RBM20: variants seen among roughly 807,000 people sequenced by gnomAD.
RBM20 encodes the protein RNA-binding protein 20.
In RBM20, 51 loss-of-function variants were observed where a neutral mutation model predicts 110.1. That is an observed-to-expected ratio of 0.46 (90% CI 0.37 to 0.59). The LOEUF (loss-of-function observed/expected upper bound fraction) is 0.59. Among genes scored for constraint, RBM20 ranks in the 20% least tolerant of loss-of-function variants. The pLI is 0.00. For synonymous variants in RBM20, 589 were observed against 618.2 expected (o/e 0.95, Z 0.70); for missense variants, 1,512 against 1,574.9 (o/e 0.96, Z 0.68).
At chr10:110,743,617 ATAT>A (rs893319873) in intron 1 of RBM20, among the ~76,000 whole-genome samples, 5 of 151,778 alleles carry the variant, frequency 3.3e-5, no homozygotes, top group South Asian at 2.1e-4. Context: ...TTGTTCTTTT[ATAT>A]TATTATTATT....
At chr10:110,741,802 C>A (rs534863189) in intron 1 of RBM20, among the ~76,000 whole-genome samples, 7 of 151,988 alleles carry the variant, frequency 4.6e-5, no homozygotes, top group Admixed American at 4.6e-4. Context: ...CCTCCAGGAC[C>A]AGAGTACATG....
intron 7 of RBM20, 133 bp downstream of exon 7, chr10:110,800,051 A>G (rs891603686): frequency 1.1e-5 from 9 of 845,974 alleles, no homozygotes; most frequent in Non-Finnish European, 1.6e-5. Context: ...ACTGCCTTTG[A>G]GGATCTCGAG....
intron 9 of RBM20, among the ~76,000 whole-genome samples, chr10:110,818,621 T>C (rs562078313): frequency 1.3e-5 from 2 of 152,370 alleles, no homozygotes; most frequent in East Asian, 3.9e-4. Context: ...TTCCTTTGCC[T>C]GCAGGGTGGA....
chr10:110,763,033 A>G (rs570641013), intron 1 of RBM20, among the ~76,000 whole-genome samples: 2 of 152,262 alleles, frequency 1.3e-5, no homozygotes, highest in East Asian at 3.9e-4. Context: ...GGTGTCTGTG[A>G]CTGAGTCAGC....
intron 5 of RBM20, among the ~76,000 whole-genome samples, chr10:110,793,653 G>T (rs915326629): frequency 6.6e-6 from 1 of 152,214 alleles, no homozygotes; most frequent in Non-Finnish European, 1.5e-5. Flanking sequence ...TGGTCTGATC[G>T]TTGGCTGCCT....
chr10:110,757,060 T>C (rs930036035), intron 1 of RBM20, among the ~76,000 whole-genome samples: 3 of 152,246 alleles, frequency 2.0e-5, no homozygotes, highest in African/African-American at 7.2e-5. Flanking sequence ...TTCTCCAAGC[T>C]GCCCCCTCTT....
At chr10:110,716,514 A>G (rs750809931) in intron 1 of RBM20, among the ~76,000 whole-genome samples, 50 of 152,358 alleles carry the variant, frequency 3.3e-4, no homozygotes, top group Non-Finnish European at 6.0e-4. Context: ...GCAAGTTATT[A>G]TGTCCTAACT....
intron 1 of RBM20, among the ~76,000 whole-genome samples, chr10:110,665,994 A>AG (rs770042850): frequency 0.012 from 931 of 77,122 alleles, 4 homozygotes; most frequent in Non-Finnish European, 0.017. Flanking sequence ...ACAAAGAAAG[A>AG]AAGAGAGAGA....
At chr10:110,790,072 C>A (rs1440197981) in intron 5 of RBM20, among the ~76,000 whole-genome samples, 1 of 152,148 alleles carries the variant, frequency 6.6e-6, no homozygotes, top group East Asian at 1.9e-4. Context: ...TTATTTCTCG[C>A]CAAGACCCTG....
intron 1 of RBM20, among the ~76,000 whole-genome samples, chr10:110,745,845 A>G (rs898062092): frequency 6.6e-5 from 10 of 152,246 alleles, no homozygotes; most frequent in Non-Finnish European, 1.5e-4. Flanking sequence ...CCATATGGAA[A>G]TAGCGATGTA....
At chr10:110,662,082 C>A (rs924707341) in intron 1 of RBM20, among the ~76,000 whole-genome samples, 2 of 151,308 alleles carry the variant, frequency 1.3e-5, no homozygotes, top group Admixed American at 6.6e-5. Flanking sequence ...GCTGGGAGGA[C>A]GCTCAAGGGA....
chr10:110,803,029 G>A (rs1439157493), intron 7 of RBM20, among the ~76,000 whole-genome samples: 2 of 152,160 alleles, frequency 1.3e-5, no homozygotes, highest in Non-Finnish European at 2.9e-5. Context: ...ACTGTACCCT[G>A]TGAAGTGTGT....
Position 110,701,600 on chromosome 10 carries a change from G to A in RBM20, c.191+56955G>A, listed in dbSNP as rs78380123. On this transcript the variant is annotated intron_variant, in intron 1 of 13. Coordinates refer to ENST00000369519, the MANE Select transcript of RBM20 (RefSeq NM_001134363.3). ...AATGACTTTCTGCTAAAATAATTTC[G>A]GTTTGTACATATGCATGTCCATGCA... 4.8e-3 allele frequency among the ~76,000 whole-genome samples: 727 copies of A among 152,164 alleles called. 4 individuals carry two copies. The highest frequency in any genetic ancestry group is 0.017 in the African/African-American group (695 of 41,494).
At chr10:110,729,976 C>T (rs771134767) in intron 1 of RBM20, among the ~76,000 whole-genome samples, 13 of 152,090 alleles carry the variant, frequency 8.5e-5, no homozygotes, top group Non-Finnish European at 1.0e-4. Context: ...CCACCATGCC[C>T]GGCTAATTTT....
At chr10:110,801,356 G>A (rs540777756) in intron 7 of RBM20, among the ~76,000 whole-genome samples, 2 of 152,042 alleles carry the variant, frequency 1.3e-5, no homozygotes, top group East Asian at 1.9e-4. Context: ...TAACCTGGGA[G>A]GCAGAGGTTG....
chr10:110,679,492 A>T (rs1317505417), intron 1 of RBM20, among the ~76,000 whole-genome samples: 1 of 152,204 alleles, frequency 6.6e-6, no homozygotes, highest in African/African-American at 2.4e-5. Context: ...AAGCACTGGG[A>T]TTAGAGGCAT....
Position 110,823,616 on chromosome 10 carries a change from T to G in RBM20, c.3451+2T>G, listed in dbSNP as rs1236381968. The G allele has an allele frequency of 1.3e-6, 2 of 1,551,328 alleles. No homozygotes were observed. Among genetic ancestry groups the G allele is most frequent in the Non-Finnish European group, 1.7e-6 (2 of 1,146,908 alleles). ...TCAGTGAACTTAGCATTCCTCTAGG[T>G]AAGCAAAACACACAGTCTTTCCTGA... On this transcript the variant is annotated splice_donor_variant, in intron 12 of 13. Coordinates refer to ENST00000369519, the MANE Select transcript of RBM20 (RefSeq NM_001134363.3). LOFTEE classifies it high-confidence loss of function.
intron 8 of RBM20, 113 bp downstream of exon 8, chr10:110,810,575 C>A: frequency 1.5e-6 from 1 of 670,220 alleles, no homozygotes; most frequent in Non-Finnish European, 2.5e-6. Context: ...TGCCCCTACC[C>A]CATCCATCTG....
chr10:110,657,847 T>C (rs1564807446), intron 1 of RBM20, among the ~76,000 whole-genome samples: 3 of 152,258 alleles, frequency 2.0e-5, no homozygotes, highest in Non-Finnish European at 4.4e-5. Flanking sequence ...TCTAGGCCAA[T>C]GATATTTTAA....
Sources: gnomAD v4.1 joint callset for allele counts (sites outside exome capture counted in the v4.1 genomes callset) on GRCh38, gnomAD v4.1.1 for gene constraint, MANE v1.5 for transcripts, NCBI Gene and HGNC (gene_info 2026-07-23, HGNC 2026-07-21) for gene names.